MTA3: variants seen among roughly 807,000 people sequenced by gnomAD.
MTA3 encodes the protein metastasis associated 1 family member 3.
Under a neutral mutation model 83.5 loss-of-function variants are expected in MTA3, and 34 were observed. The ratio of observed to expected loss-of-function variants is 0.41; its 90% CI spans 0.31 to 0.54. MTA3 has a LOEUF of 0.54. Ranked by LOEUF, MTA3 falls within the 20% of genes least tolerant of loss-of-function variation. The pLI is 0.33. For synonymous variants in MTA3, 303 were observed against 252.7 expected (o/e 1.20, Z -1.89); for missense variants, 761 against 726.4 (o/e 1.05, Z -0.55).
At chr2:42,594,689 TACATATATAAATATAC>T (rs1681482856) in intron 3 of MTA3, among the ~76,000 whole-genome samples, 2 of 113,014 alleles carry the variant, frequency 1.8e-5, no homozygotes, top group African/African-American at 6.8e-5. Flanking sequence ...TATACATATA[TACATATATAAATATAC>T]ATATATATAT....
At position 42,755,919 on chromosome 2, in the gene MTA3, G is replaced by A. The variant is rs994547408; in HGVS notation, c.*2520G>A. 5 of 985,446 alleles carry A rather than the reference G, an allele frequency of 5.1e-6. No individual in the cohort carries two copies. In the Admixed American group the frequency reaches 1.8e-4, roughly 36 times the overall value. The allele number at this position is 985,446 out of a possible 1,614,324, so 61.0% of individuals were successfully genotyped here. On this transcript the variant is annotated 3_prime_UTR_variant, in exon 17 of 17. Transcript: ENST00000405094. ...CCCACCCTTCACTTCTTAAAGGTGC[G>A]CAAGAGAGGAGGGCCGACTGGAGGG...
At position 42,568,771 on chromosome 2, in the gene MTA3, G is replaced by GAGGT; in HGVS notation, c.28+2_28+5dup. The GAGGT allele has an allele frequency of 9.9e-6, 12 of 1,217,762 alleles. No individual in the cohort carries two copies. The highest frequency in any genetic ancestry group is 1.1e-5 in the Non-Finnish European group (11 of 979,072). 75.4% of individuals were successfully genotyped at this position (1,217,762 alleles called of 1,614,324 possible). A position where few individuals can be genotyped will look rare whatever the true frequency, so the allele number is the denominator to read the frequency against. On this transcript the variant is annotated frameshift_variant and splice_region_variant, in exon 1 of 17. Coordinates refer to ENST00000405094, the MANE Select transcript of MTA3 (RefSeq NM_001330442.2). LOFTEE classifies it high-confidence loss of function. ...ATGGCGGCCAACATGTACCGGGTCG[G>GAGGT]AGGTAGGCAGGCTCGGCCCGACCCG...
intron 2 of MTA3, among the ~76,000 whole-genome samples, chr2:42,515,984 G>A (rs1265838803): frequency 6.6e-6 from 1 of 151,774 alleles, no homozygotes; most frequent in Non-Finnish European, 1.5e-5. Context: ...TGGACTACAG[G>A]CGCCTGCCAC....
chr2:42,510,260 A>G (rs540434686), intron 2 of MTA3, among the ~76,000 whole-genome samples: 1 of 144,242 alleles, frequency 6.9e-6, no homozygotes, highest in African/African-American at 2.6e-5. Flanking sequence ...CAGGAGGCGG[A>G]GGTTGCAGTG....
At position 42,755,891 on chromosome 2, in the gene MTA3, C is replaced by T. The variant is rs1670208738; in HGVS notation, c.*2492C>T. 2.0e-6 allele frequency: 2 copies of T among 985,250 alleles called. No homozygotes were observed. Among genetic ancestry groups the T allele is most frequent in the Non-Finnish European group, 2.4e-6 (2 of 829,846 alleles). The allele number at this position is 985,250 out of a possible 1,614,324, so 61.0% of individuals were successfully genotyped here. On this transcript the variant is annotated 3_prime_UTR_variant, in exon 17 of 17. Transcript: ENST00000405094. ...TCTCCCCCTCTGGCTCAGTCATCGC[C>T]TGCCCACCCTTCACTTCTTAAAGGT...
At chr2:42,585,493 T>C (rs549998968) in intron 3 of MTA3, among the ~76,000 whole-genome samples, 1 of 149,816 alleles carries the variant, frequency 6.7e-6, no homozygotes, top group East Asian at 2.0e-4. Context: ...TTTTTTTTTT[T>C]TGAGACAGTC....
At position 42,530,160 on chromosome 2, in the gene MTA3, G is replaced by C. The variant is rs545733208; in HGVS notation, c.-141+34906G>C. Reference sequence around the variant, plus strand: ...AGATCATACCACTGCACTCCAGCTTGGGCAAAAGAGCAAAACTCCATCTCA... The same window carrying C: ...AGATCATACCACTGCACTCCAGCTTCGGCAAAAGAGCAAAACTCCATCTCA... On this transcript the variant is annotated intron_variant, in intron 2 of 17. Transcript: ENST00000405592. 1.0e-4 allele frequency among the ~76,000 whole-genome samples: 15 copies of C among 149,290 alleles called. 1 individual carries two copies. Among genetic ancestry groups the C allele is most frequent in the African/African-American group, 3.2e-4 (13 of 40,442 alleles).
chr2:42,620,243 C>T (rs1282598461), intron 4 of MTA3, among the ~76,000 whole-genome samples: 1 of 151,998 alleles, frequency 6.6e-6, no homozygotes, highest in East Asian at 1.9e-4. Context: ...CTCAGCCTCC[C>T]GAGTAGCTGG....
intron 3 of MTA3, among the ~76,000 whole-genome samples, chr2:42,606,829 G>T (rs1683488303): frequency 6.7e-6 from 1 of 149,568 alleles, no homozygotes; most frequent in African/African-American, 2.5e-5. Context: ...TGCAATCCCG[G>T]CACCTCGGGA....
intron 14 of MTA3, among the ~76,000 whole-genome samples, chr2:42,711,420 A>T (rs1038053677): frequency 1.3e-5 from 2 of 152,222 alleles, no homozygotes; most frequent in Non-Finnish European, 2.9e-5. Context: ...AGATTATAGT[A>T]ATCATAAAAG....
rs182263007 is a variant in MTA3 at position 42,660,317 on chromosome 2, G to C, written c.702+455G>C. 2.8e-3 allele frequency among the ~76,000 whole-genome samples: 434 copies of C among 152,290 alleles called. 3 individuals carry two copies. The highest frequency in any genetic ancestry group is 9.6e-3 in the African/African-American group (401 of 41,564). On this transcript the variant is annotated intron_variant, in intron 8 of 16. Coordinates refer to ENST00000405094, the MANE Select transcript of MTA3 (RefSeq NM_001330442.2). ...TTGGCCAGGTTGGTCTCAAACTTCT[G>C]ACCTTGTGATCCACCCGCCTCGGCC... is the stretch of plus-strand genomic sequence containing the variant.
chr2:42,630,545 C>A (rs1271427789), intron 4 of MTA3, among the ~76,000 whole-genome samples: 2 of 151,976 alleles, frequency 1.3e-5, no homozygotes, highest in African/African-American at 4.8e-5. Context: ...TTATGTTGTG[C>A]TTTTGAAATG....
At chr2:42,622,250 AC>A (rs886220116) in intron 4 of MTA3, among the ~76,000 whole-genome samples, 89 of 152,272 alleles carry the variant, frequency 5.8e-4, no homozygotes, top group African/African-American at 2.0e-3. Flanking sequence ...CAAAAAAAAT[AC>A]GAAAACCAGT....
At chr2:42,506,057 AC>A in intron 2 of MTA3, among the ~76,000 whole-genome samples, 1 of 151,950 alleles carries the variant, frequency 6.6e-6, no homozygotes, top group Non-Finnish European at 1.5e-5. Flanking sequence ...GAGCTACCAC[AC>A]CCAGCCCCCT....
intron 11 of MTA3, chr2:42,703,930 T>C (rs77390361): frequency 3.5e-6 from 1 of 283,954 alleles, no homozygotes; most frequent in Non-Finnish European, 6.7e-6. Flanking sequence ...CTAAGGAAAT[T>C]GTATTCGGAC....
At chr2:42,610,784 G>C (rs780638548) in intron 4 of MTA3, among the ~76,000 whole-genome samples, 1 of 152,086 alleles carries the variant, frequency 6.6e-6, no homozygotes, top group Non-Finnish European at 1.5e-5. Context: ...GGTGAGCATA[G>C]GGTGTATGAA....
intron 10 of MTA3, among the ~76,000 whole-genome samples, chr2:42,696,966 T>A (rs1693440824): frequency 6.6e-6 from 1 of 152,226 alleles, no homozygotes; most frequent in African/African-American, 2.4e-5. Flanking sequence ...TCAAGGATGG[T>A]TGAAAAGTAG....
chr2:42,621,836 C>T (rs1305758460), intron 4 of MTA3, among the ~76,000 whole-genome samples: 1 of 151,270 alleles, frequency 6.6e-6, no homozygotes, highest in Non-Finnish European at 1.5e-5. Flanking sequence ...CGGGCAGAGG[C>T]GCTCCCCACA....
At chr2:42,538,382 G>C (rs1312765723) in intron 2 of MTA3, among the ~76,000 whole-genome samples, 1 of 152,038 alleles carries the variant, frequency 6.6e-6, no homozygotes, top group East Asian at 1.9e-4. Flanking sequence ...GTAGATTTGA[G>C]CTTTTTTAGG....
Sources: allele counts gnomAD v4.1 joint callset (sites outside exome capture counted in the v4.1 genomes callset), GRCh38; gene constraint gnomAD v4.1.1; transcripts MANE v1.5; gene names NCBI Gene and HGNC (gene_info 2026-07-23, HGNC 2026-07-21).